Variants in ACYP2 observed in about 807,000 individuals in gnomAD.
ACYP2 encodes acylphosphatase-2.
A neutral mutation model predicts 11.2 loss-of-function variants in ACYP2; 12 were observed. The ratio of observed to expected loss-of-function variants is 1.08; its 90% CI spans 0.69 to 1.74. The LOEUF is 1.74. Among genes scored for constraint, ACYP2 ranks in the 40% most tolerant of loss-of-function variants. The pLI, the probability that ACYP2 is intolerant of heterozygous loss-of-function variation, is 0.00. For missense variants in ACYP2, 134 were observed against 101.9 expected, an observed-to-expected ratio of 1.31 and a Z score of -1.35; for synonymous variants, 43 against 32.2, an observed-to-expected ratio of 1.33 and a Z score of -1.13.
At chr2:54,167,348 A>G (rs966135510) in intron 6 of ACYP2, among the ~76,000 whole-genome samples, 3 of 152,236 alleles carry the variant, frequency 2.0e-5, no homozygotes, top group Non-Finnish European at 2.9e-5. Context: ...AGCACAGTCT[A>G]GACAACACTC....
chr2:54,008,653 G>A (rs948785198), intron 2 of ACYP2, among the ~76,000 whole-genome samples: 7 of 152,062 alleles, frequency 4.6e-5, no homozygotes, highest in Admixed American at 1.3e-4. Context: ...ATTCCACCAC[G>A]CCTGGTTAAT....
rs75122645 is a variant in ACYP2, at chr2:54,069,907, G to T, written c.277+12547G>T. On this transcript the variant is annotated intron_variant, in intron 4 of 6. Coordinates refer to ENST00000607452, the MANE Select transcript of ACYP2 (RefSeq NM_001320586.2). Reference sequence around the variant, plus strand: ...TTTAATGAAAGAGAGAAGATATTGTGCTGGGAATATTTAACCCAGAATACT... The same window carrying T: ...TTTAATGAAAGAGAGAAGATATTGTTCTGGGAATATTTAACCCAGAATACT... Among the ~76,000 whole-genome samples, 107 of 152,168 alleles carry T rather than the reference G, an allele frequency of 7.0e-4. 2 individuals are homozygous for T. The East Asian group carries it at 0.02, about 28-fold the overall frequency.
chr2:54,160,006 G>C (rs1350689747), intron 6 of ACYP2, among the ~76,000 whole-genome samples: 2 of 152,112 alleles, frequency 1.3e-5, no homozygotes, highest in African/African-American at 4.8e-5. Flanking sequence ...CATTTAGCAC[G>C]GCTGCTGTGA....
intron 6 of ACYP2, among the ~76,000 whole-genome samples, chr2:54,174,812 TG>T (rs1380855753): frequency 6.6e-6 from 1 of 152,250 alleles, no homozygotes; most frequent in Admixed American, 6.5e-5. Context: ...GTTCTGTTTA[TG>T]TGATGGATTA....
intron 2 of ACYP2, among the ~76,000 whole-genome samples, chr2:54,041,215 G>C (rs767974402): frequency 1.3e-5 from 2 of 151,976 alleles, no homozygotes; most frequent in Non-Finnish European, 2.9e-5. Flanking sequence ...CTAAAGTGCT[G>C]GGATTACAGG....
At chr2:54,013,896 A>G (rs899286991) in intron 2 of ACYP2, among the ~76,000 whole-genome samples, 1 of 151,996 alleles carries the variant, frequency 6.6e-6, no homozygotes, top group Non-Finnish European at 1.5e-5. Flanking sequence ...GGTGGCTCAC[A>G]CCTGTAATTC....
intron 6 of ACYP2, among the ~76,000 whole-genome samples, chr2:54,150,464 A>T (rs1274921803): frequency 6.6e-6 from 1 of 152,198 alleles, no homozygotes; most frequent in Non-Finnish European, 1.5e-5. Flanking sequence ...CTTGTGGCCC[A>T]GGCTGGAGTG....
chr2:54,259,269 C>T (rs1687681608), intron 6 of ACYP2, among the ~76,000 whole-genome samples: 1 of 152,108 alleles, frequency 6.6e-6, no homozygotes, highest in Non-Finnish European at 1.5e-5. Flanking sequence ...AGTTGAGATG[C>T]CAAGTGGGCA....
intron 6 of ACYP2, among the ~76,000 whole-genome samples, chr2:54,159,500 A>C (rs1558577286): frequency 6.6e-6 from 1 of 151,636 alleles, no homozygotes; most frequent in Non-Finnish European, 1.5e-5. Context: ...GAGCCACCGC[A>C]CCCAGCCAGG....
chr2:54,284,089 T>G (rs860056), intron 6 of ACYP2, among the ~76,000 whole-genome samples: 1 of 152,032 alleles, frequency 6.6e-6, no homozygotes, highest in Admixed American at 6.5e-5. Flanking sequence ...CCAGCCTTAG[T>G]GACAACTCTC....
chr2:54,237,906 C>T (rs1378851168), intron 6 of ACYP2, among the ~76,000 whole-genome samples: 2 of 152,122 alleles, frequency 1.3e-5, no homozygotes, highest in East Asian at 1.9e-4. Context: ...GAATGGGCCC[C>T]GGCAACCTAT....
intron 2 of ACYP2, among the ~76,000 whole-genome samples, chr2:54,015,079 G>C (rs1673605053): frequency 6.6e-6 from 1 of 152,212 alleles, no homozygotes; most frequent in Non-Finnish European, 1.5e-5. Flanking sequence ...TAGAAAGTCA[G>C]AGTCTTGCTG....
intron 4 of ACYP2, among the ~76,000 whole-genome samples, chr2:54,078,781 A>G (rs1239147069): frequency 6.6e-6 from 1 of 152,018 alleles, no homozygotes; most frequent in Non-Finnish European, 1.5e-5. Context: ...TATTTTTAGT[A>G]GAGATGTAGT....
chr2:54,169,151 T>C (rs1326839127), intron 6 of ACYP2, among the ~76,000 whole-genome samples: 1 of 152,198 alleles, frequency 6.6e-6, no homozygotes, highest in African/African-American at 2.4e-5. Context: ...TTAGCAGAGG[T>C]TGGCCTTTTT....
chr2:54,278,359 T>C (rs935467493), intron 6 of ACYP2, among the ~76,000 whole-genome samples: 1 of 152,224 alleles, frequency 6.6e-6, no homozygotes, highest in African/African-American at 2.4e-5. Context: ...CTTCATTTTG[T>C]TGAGTTGAAT....
At chr2:54,197,719 G>A (rs1023354263) in intron 6 of ACYP2, among the ~76,000 whole-genome samples, 1 of 152,114 alleles carries the variant, frequency 6.6e-6, no homozygotes, top group African/African-American at 2.4e-5. Context: ...TTTTCTTTGA[G>A]GAATAAGTAG....
chr2:54,039,984 G>A (rs1429845193), intron 2 of ACYP2, among the ~76,000 whole-genome samples: 1 of 151,886 alleles, frequency 6.6e-6, no homozygotes, highest in Non-Finnish European at 1.5e-5. Context: ...GCCTCCCAAA[G>A]TTCTGGGATT....
At chr2:54,140,608 C>T (rs556215831) in intron 6 of ACYP2, among the ~76,000 whole-genome samples, 17 of 152,032 alleles carry the variant, frequency 1.1e-4, no homozygotes, top group Admixed American at 6.6e-4. Flanking sequence ...AATGGGATCA[C>T]GGTGTATTCC....
At chr2:54,163,805 G>A (rs1682833632) in intron 6 of ACYP2, among the ~76,000 whole-genome samples, 1 of 151,956 alleles carries the variant, frequency 6.6e-6, no homozygotes, top group African/African-American at 2.4e-5. Context: ...GCAGTGGGCC[G>A]AGATTGCACC....
Sources: gnomAD v4.1 joint callset for allele counts (sites outside exome capture counted in the v4.1 genomes callset) on GRCh38, gnomAD v4.1.1 for gene constraint, MANE v1.5 for transcripts, NCBI Gene and HGNC (gene_info 2026-07-23, HGNC 2026-07-21) for gene names.